Variants in MBP observed in about 807,000 individuals in gnomAD.
The protein encoded by MBP is Golli-MBP.
A neutral mutation model predicts 35.8 loss-of-function variants in MBP; 16 were observed. The observed-to-expected ratio is 0.45, with a 90% CI of 0.30 to 0.68. The LOEUF (loss-of-function observed/expected upper bound fraction) is 0.68, where lower values mean the gene tolerates loss of function less well. Among genes scored for constraint, MBP ranks in the 30% least tolerant of loss-of-function variants. MBP has a pLI of 0.08. For synonymous variants in MBP, 143 were observed against 159.6 expected, an observed-to-expected ratio of 0.90 and a Z score of 0.78; for missense variants, 380 against 404.7, an observed-to-expected ratio of 0.94 and a Z score of 0.52.
chr18:77,121,797 C>T (rs895111649), intron 1 of MBP, among the ~76,000 whole-genome samples: 7 of 152,160 alleles, frequency 4.6e-5, no homozygotes, highest in African/African-American at 1.2e-4. Flanking sequence ...AGCTGGTGCT[C>T]ACACTTCATA....
intron 3 of MBP, among the ~76,000 whole-genome samples, chr18:77,022,254 G>A (rs142713875): frequency 2.1e-3 from 324 of 152,260 alleles, no homozygotes; most frequent in Non-Finnish European, 4.0e-3. Context: ...ACCCAGGGTC[G>A]CGGTGGTCTC....
chr18:77,132,043 T>G (rs1333959106), intron 1 of MBP, among the ~76,000 whole-genome samples: 1 of 151,930 alleles, frequency 6.6e-6, no homozygotes, highest in African/African-American at 2.4e-5. Context: ...GGGGTGTGAT[T>G]AGCAGGCGCC....
rs5826494 is a variant in MBP, at chr18:77,101,579, AG to A, written c.51+3631del. On this transcript the variant is annotated intron_variant, in intron 2 of 8. Transcript: ENST00000355994. This position sits in a 1 kb window ranked among gnomAD's most constrained non-coding sequence, Gnocchi z 4.3. The stretch of plus-strand genomic sequence containing the variant: ...TCCTGTTCTGACCCTCAACTGGCCC[AG>A]GAAGGTGGCTCAACCACTTGTTACC... 0.31 allele frequency among the ~76,000 whole-genome samples: 47,166 copies of A among 152,038 alleles called. 9,061 individuals are homozygous for A. Among genetic ancestry groups the A allele is most frequent in the South Asian group, 0.5 (2,423 of 4,822 alleles).
intron 3 of MBP, among the ~76,000 whole-genome samples, chr18:77,052,406 G>A (rs768694526): frequency 2.6e-5 from 4 of 152,138 alleles, no homozygotes; most frequent in Non-Finnish European, 5.9e-5. Context: ...CCCGGGTCCC[G>A]AGCTGGACGC....
Position 76,987,190 on chromosome 18 carries a change from C to A in MBP, c.750+1305G>T, listed in dbSNP as rs1969607903. The A allele has an allele frequency of 1.0e-5, 10 of 985,412 alleles. No homozygotes were observed. The South Asian group carries it at 1.9e-4, about 19-fold the overall frequency. The allele number at this position is 985,412 out of a possible 1,614,324, so 61.0% of individuals were successfully genotyped here. On this transcript the variant is annotated intron_variant, in intron 7 of 8. Coordinates refer to ENST00000355994, the MANE Select transcript of MBP (RefSeq NM_001025101.2). ...GGATCCGGCACGACGGCCCCAAAGT[C>A]CACTCCTAGAAAATTAAGAGCAGAT...
Position 76,984,900 on chromosome 18 carries a change from A to G in MBP, c.751-6T>C, listed in dbSNP as rs201397214. 1.9e-6 allele frequency: 3 copies of G among 1,612,860 alleles called. No individual in the cohort carries two copies. The highest frequency in any genetic ancestry group is 1.7e-6 in the Non-Finnish European group (2 of 1,179,966). ...GGTCTCTGGCCTTCGGCCCCCTGCA[A>G]GAGAAGACCACGGAGCTCAACCTCC... On this transcript the variant is annotated splice_polypyrimidine_tract_variant and splice_region_variant and intron_variant, in intron 7 of 8. Transcript: ENST00000355994.
In MBP at chr18:77,051,629, G is replaced by T. The variant is rs752580759; in HGVS notation, c.139+14669C>A. Among the ~76,000 whole-genome samples the T allele has an allele frequency of 5.3e-5, 8 of 152,250 alleles. No individual in the cohort carries two copies. The South Asian group carries it at 1.2e-3, about 24-fold the overall frequency. On this transcript the variant is annotated intron_variant, in intron 3 of 8. Coordinates refer to ENST00000355994, the MANE Select transcript of MBP (RefSeq NM_001025101.2). ...ACTCTTATCACTAAGAAGAGTTGAG[G>T]GTTCTTCCACATGTGGAAGGAGAGC...
At chr18:76,985,150 G>C in intron 7 of MBP, 1 of 1,529,166 alleles carries the variant, frequency 6.5e-7, no homozygotes, top group South Asian at 1.2e-5. Context: ...TGAGATATGC[G>C]GCCCAACCAC....
chr18:77,047,332 CTACT>C lies in MBP; in HGVS notation c.139+18962_139+18965del, dbSNP rs549164435. Among the ~76,000 whole-genome samples the C allele has an allele frequency of 1.1e-4, 16 of 152,372 alleles. No homozygotes were observed. The South Asian group carries it at 3.3e-3, about 32-fold the overall frequency. ...AGGAGGAATGCAGCACTAGCGTGCGCTACTCCATGATGAACCTCACCAGCATTGT... is the reference window on the plus strand; with the variant it reads ...AGGAGGAATGCAGCACTAGCGTGCGCCCATGATGAACCTCACCAGCATTGT... On this transcript the variant is annotated intron_variant, in intron 3 of 8. Transcript: ENST00000355994.
Position 76,979,767 on chromosome 18 carries a change from C to T in MBP, c.*660G>A. 1 of 586,290 alleles carries T rather than the reference C, an allele frequency of 1.7e-6. No homozygotes were observed. The highest frequency in any genetic ancestry group is 3.0e-6 in the Non-Finnish European group (1 of 329,844). 36.3% of individuals were successfully genotyped at this position (586,290 alleles called of 1,614,324 possible). ...TTCCTCCCTCTGCCACACGCGAATT[C>T]AGCTAATTGGGGTGTGTGGGCAGCC... On this transcript the variant is annotated 3_prime_UTR_variant, in exon 9 of 9. Transcript: ENST00000355994.
intron 1 of MBP, chr18:77,110,193 T>C (rs1020170688): frequency 9.2e-5 from 14 of 152,356 alleles, no homozygotes; most frequent in African/African-American, 3.1e-4. Flanking sequence ...GAATGTCCCA[T>C]GTGGAAAGTA....
intron 1 of MBP, among the ~76,000 whole-genome samples, chr18:77,106,515 A>G (rs972613399): frequency 2.6e-5 from 4 of 152,090 alleles, no homozygotes; most frequent in African/African-American, 7.2e-5. Context: ...GCAGCCGACC[A>G]CAGACTGGAA....
At chr18:77,088,327 G>A (rs1975350792) in intron 2 of MBP, among the ~76,000 whole-genome samples, 1 of 152,124 alleles carries the variant, frequency 6.6e-6, no homozygotes, top group Admixed American at 6.5e-5. Flanking sequence ...CCCCTTTAAT[G>A]AGGGCAGGAC....
At chr18:77,007,291 C>T (rs1216979785) in intron 4 of MBP, among the ~76,000 whole-genome samples, 2 of 152,206 alleles carry the variant, frequency 1.3e-5, no homozygotes, top group East Asian at 3.9e-4. Flanking sequence ...AGCTCCTTCT[C>T]AGGGACGAGA....
intron 2 of MBP, among the ~76,000 whole-genome samples, chr18:77,098,768 C>T (rs1975871795): frequency 6.6e-6 from 1 of 152,200 alleles, no homozygotes; most frequent in African/African-American, 2.4e-5. Flanking sequence ...GGGCTGGATG[C>T]CCTTCGGCAA....
At chr18:77,033,708 C>G (rs1273137993) in intron 3 of MBP, among the ~76,000 whole-genome samples, 1 of 151,894 alleles carries the variant, frequency 6.6e-6, no homozygotes, top group Non-Finnish European at 1.5e-5. Context: ...TCCACCCATC[C>G]ATTCACCCAG....
At chr18:77,093,659 G>A (rs1016954826) in intron 2 of MBP, among the ~76,000 whole-genome samples, 7 of 152,100 alleles carry the variant, frequency 4.6e-5, no homozygotes, top group Non-Finnish European at 8.8e-5. Flanking sequence ...GACTCAAAAC[G>A]TTTGAGAGGC....
In MBP at chr18:76,988,228, T is replaced by C. The variant is rs1211722562; in HGVS notation, c.750+267A>G. On this transcript the variant is annotated intron_variant, in intron 7 of 8. Coordinates refer to ENST00000355994, the MANE Select transcript of MBP (RefSeq NM_001025101.2). The surrounding 1 kb of genome is among the most constrained non-coding windows in gnomAD (Gnocchi z 5.2). ...TGGGAGGGAGACCAGTCACGTCGCC[T>C]GGGAACCCTCTGGGAGAAGAGGATC... is the stretch of plus-strand genomic sequence containing the variant. 6.5e-7 allele frequency: 1 copy of C among 1,549,590 alleles called. No homozygotes were observed. The highest frequency in any genetic ancestry group is 2.4e-5 in the East Asian group (1 of 40,886).
intron 2 of MBP, among the ~76,000 whole-genome samples, chr18:77,086,147 AG>A (rs1364187736): frequency 1.3e-5 from 2 of 152,336 alleles, no homozygotes; most frequent in East Asian, 3.9e-4. Context: ...TTCAAAGCTG[AG>A]TTCTGCTATC....
Sources: allele counts gnomAD v4.1 joint callset (sites outside exome capture counted in the v4.1 genomes callset), GRCh38; gene constraint gnomAD v4.1.1; non-coding constraint Gnocchi (gnomAD v3.1); transcripts MANE v1.5; gene names NCBI Gene and HGNC (gene_info 2026-07-23, HGNC 2026-07-21).